ETF1: variants seen among roughly 807,000 people sequenced by gnomAD.
The protein encoded by ETF1 is eukaryotic translation termination factor 1, also known as eukaryotic peptide chain release factor subunit 1.
ETF1 carries 4 observed loss-of-function variants against 55.1 expected under a neutral mutation model. The ratio of observed to expected loss-of-function variants is 0.07; its 90% confidence interval spans 0.04 to 0.17. ETF1 has a LOEUF of 0.17. Ranked by LOEUF, ETF1 falls within the 10% of genes least tolerant of loss-of-function variation. The pLI, the probability that ETF1 is intolerant of heterozygous loss-of-function variation, is 1.00. For synonymous variants in ETF1, 157 were observed against 182.3 expected, an observed-to-expected ratio of 0.86 and a Z score of 1.12; for missense variants, 142 against 523.6, an observed-to-expected ratio of 0.27 and a Z score of 7.11.
At chr5:138,519,964 G>A (rs541186002) in intron 2 of ETF1, among the ~76,000 whole-genome samples, 2 of 147,088 alleles carry the variant, frequency 1.4e-5, no homozygotes, top group Admixed American at 7.0e-5. Context: ...TGTTTATGGG[G>A]CACTTGTTAA....
At chr5:138,514,369 C>T (rs1328824442) in intron 4 of ETF1, among the ~76,000 whole-genome samples, 2 of 152,082 alleles carry the variant, frequency 1.3e-5, no homozygotes, top group East Asian at 1.9e-4. Context: ...GCCTGGGCAA[C>T]ATAGCGAAAC....
chr5:138,541,712 T>A, intron 2 of ETF1: 9 of 1,175,094 alleles, frequency 7.7e-6, no homozygotes, highest in Non-Finnish European at 9.6e-6. Flanking sequence ...ATTCTACTAT[T>A]CTAAGAATGC....
chr5:138,518,203 CAAAAAAAAAAAAA>C (rs35745884), intron 3 of ETF1, among the ~76,000 whole-genome samples: 1 of 80,432 alleles, frequency 1.2e-5, no homozygotes, highest in Non-Finnish European at 2.4e-5. Flanking sequence ...TGTCTCATCC[CAAAAAAAAAAAAA>C]AAAAAAAAAA....
intron 4 of ETF1, chr5:138,514,157 G>C (rs1296753861): frequency 6.5e-6 from 1 of 152,948 alleles, no homozygotes; most frequent in Non-Finnish European, 1.5e-5. Context: ...GGTTCCTGGA[G>C]TAATCAAAAT....
chr5:138,526,779 C>CA (rs1765490621), intron 2 of ETF1, among the ~76,000 whole-genome samples: 2 of 152,098 alleles, frequency 1.3e-5, no homozygotes. Flanking sequence ...CAGCTCACTG[C>CA]AAGCTCTGCC....
chr5:138,526,856 A>G (rs371441032), intron 2 of ETF1, among the ~76,000 whole-genome samples: 1 of 152,022 alleles, frequency 6.6e-6, no homozygotes, highest in South Asian at 2.1e-4. Context: ...GCATGCAACC[A>G]CACCCAGCTA....
chr5:138,540,462 G>A (rs1766126936), intron 2 of ETF1, among the ~76,000 whole-genome samples: 1 of 152,114 alleles, frequency 6.6e-6, no homozygotes, highest in Non-Finnish European at 1.5e-5. Context: ...ATTTTCCACT[G>A]TACCCTATCT....
chr5:138,535,802 G>C (rs1183974769), intron 2 of ETF1, among the ~76,000 whole-genome samples: 1 of 149,016 alleles, frequency 6.7e-6, no homozygotes, highest in Non-Finnish European at 1.5e-5. Context: ...CTGAACCTGG[G>C]AGGTGGAGGT....
At chr5:138,539,252 T>A (rs1766076027) in intron 2 of ETF1, among the ~76,000 whole-genome samples, 1 of 152,248 alleles carries the variant, frequency 6.6e-6, no homozygotes. Context: ...GCTCTAGTTA[T>A]GATTTTATTA....
At chr5:138,534,749 A>C (rs146777897) in intron 2 of ETF1, among the ~76,000 whole-genome samples, 2 of 152,376 alleles carry the variant, frequency 1.3e-5, no homozygotes, top group African/African-American at 4.8e-5. Flanking sequence ...AGTGTTGTAC[A>C]AATTAGCACC....
intron 2 of ETF1, chr5:138,542,595 G>A (rs1330719347): frequency 7.2e-7 from 1 of 1,395,142 alleles, no homozygotes; most frequent in Non-Finnish European, 9.3e-7. Flanking sequence ...ACCACGAGGG[G>A]GGCCGAGTGA....
intron 2 of ETF1, among the ~76,000 whole-genome samples, chr5:138,535,744 C>T (rs2127127566): frequency 6.7e-6 from 1 of 148,968 alleles, no homozygotes; most frequent in African/African-American, 2.5e-5. Flanking sequence ...AAAAATTAGC[C>T]AGGCTTGGTG....
intron 2 of ETF1, chr5:138,529,828 C>G (rs1215759950): frequency 2.1e-6 from 1 of 474,574 alleles, no homozygotes; most frequent in African/African-American, 2.1e-5. Flanking sequence ...TCACAGCTCA[C>G]TGTAACCTGG....
intron 2 of ETF1, among the ~76,000 whole-genome samples, chr5:138,531,509 C>A (rs930010104): frequency 1.3e-5 from 2 of 152,260 alleles, no homozygotes; most frequent in Non-Finnish European, 2.9e-5. Context: ...CTCACTCCCC[C>A]TCAAGTACTC....
intron 2 of ETF1, among the ~76,000 whole-genome samples, chr5:138,519,517 G>A (rs1232167550): frequency 1.3e-5 from 2 of 151,534 alleles, no homozygotes; most frequent in African/African-American, 2.4e-5. Context: ...AAAAAAATTC[G>A]CTGGGCATGG....
intron 9 of ETF1, among the ~76,000 whole-genome samples, chr5:138,510,295 T>A (rs1280587333): frequency 3.0e-5 from 4 of 131,516 alleles, no homozygotes; most frequent in Admixed American, 9.5e-5. Context: ...GAGGTGGAGG[T>A]TGCAGCGAGC....
chr5:138,532,563 C>T (rs1238593638), intron 2 of ETF1, among the ~76,000 whole-genome samples: 1 of 152,164 alleles, frequency 6.6e-6, no homozygotes, highest in Admixed American at 6.6e-5. Flanking sequence ...TAGCACAGCC[C>T]AACTAGAAAT....
At chr5:138,518,962 A>T (rs147009379) in intron 2 of ETF1, 95 bp from the exon 3 acceptor site, 2 of 1,549,924 alleles carry the variant, frequency 1.3e-6, no homozygotes, top group Admixed American at 1.9e-5. Flanking sequence ...GAGATGCCCC[A>T]AAGTTATGGA....
rs1764613394 is a variant in ETF1 at position 138,507,826 on chromosome 5, T to C, written c.*479A>G. 1 of 154,252 alleles carries C rather than the reference T, an allele frequency of 6.5e-6. No individual in the cohort carries two copies. Among genetic ancestry groups the C allele is most frequent in the Admixed American group, 6.4e-5 (1 of 15,698 alleles). 9.6% of individuals were successfully genotyped at this position (154,252 alleles called of 1,614,324 possible). ...CACATATATTTCTTCTTACGCAGTC[T>C]AAGCTGAGAATGCCATGTAAATGGG... On this transcript the variant is annotated 3_prime_UTR_variant, in exon 11 of 11. Transcript: ENST00000360541.
Sources: gnomAD v4.1 joint callset for allele counts (sites outside exome capture counted in the v4.1 genomes callset) on GRCh38, gnomAD v4.1.1 for gene constraint, MANE v1.5 for transcripts, NCBI Gene and HGNC (gene_info 2026-07-23, HGNC 2026-07-21) for gene names.